The following DYSF variants were observed in gnomAD, a reference collection of about 807,000 sequenced individuals.
DYSF encodes the protein dystrophy-associated fer-1-like 1.
Under a neutral mutation model 274.9 loss-of-function variants are expected in DYSF, and 212 were observed. That is an observed-to-expected ratio of 0.77 (90% confidence interval 0.69 to 0.86). DYSF has a LOEUF of 0.86. DYSF is among the 40% of genes least tolerant of loss of function. The pLI is 0.00. For missense variants in DYSF, 2,666 were observed against 2,783.2 expected, an observed-to-expected ratio of 0.96 and a Z score of 0.95; for synonymous variants, 1,091 against 1,078.7, an observed-to-expected ratio of 1.01 and a Z score of -0.22.
chr2:71,546,056 A>G (rs748945412), intron 17 of DYSF, among the ~76,000 whole-genome samples: 16 of 152,226 alleles, frequency 1.1e-4, no homozygotes, highest in Non-Finnish European at 2.1e-4. Flanking sequence ...TGTGCATCCA[A>G]CTGGAGCTGT....
intron 22 of DYSF, among the ~76,000 whole-genome samples, chr2:71,556,392 T>G (rs1386303041): frequency 6.6e-6 from 1 of 151,330 alleles, no homozygotes; most frequent in African/African-American, 2.4e-5. Context: ...GGCTGGGGGG[T>G]GGGGTGACGG....
chr2:71,509,461 C>T (rs149843685), intron 4 of DYSF, among the ~76,000 whole-genome samples: 3 of 152,230 alleles, frequency 2.0e-5, no homozygotes, highest in African/African-American at 7.2e-5. Flanking sequence ...TGTACCTGGC[C>T]GTACCCAGGA....
At chr2:71,460,968 A>G (rs1558915280) in intron 1 of DYSF, among the ~76,000 whole-genome samples, 1 of 152,036 alleles carries the variant, frequency 6.6e-6, no homozygotes, top group East Asian at 1.9e-4. Flanking sequence ...AAAGAAAAAG[A>G]AAAAAAGCTT....
At chr2:71,470,689 AAAAAG>A (rs1462469553) in intron 1 of DYSF, among the ~76,000 whole-genome samples, 4 of 148,598 alleles carry the variant, frequency 2.7e-5, no homozygotes, top group African/African-American at 7.4e-5. Flanking sequence ...AAAAAAAAAA[AAAAAG>A]AAAAGAGCTT....
chr2:71,570,689 G>A lies in DYSF; in HGVS notation c.3176G>A (p.Arg1059His), dbSNP rs754763074. 27 of 1,613,912 alleles carry A rather than the reference G, an allele frequency of 1.7e-5. No homozygotes were observed. Among genetic ancestry groups the A allele is most frequent in the East Asian group, 4.5e-5 (2 of 44,896 alleles). The stretch of plus-strand genomic sequence containing the variant: ...ATGTACTACACACACCGACGGCGGC[G>A]CTGGGTGCGCCTGCGCAGGAGGGAT... ...EKMYYTHRRR[R>H]WVRLRRRDLS... The change falls in exon 29 of 56, where the codon CGC becomes CAC. Residue 1059 changes from arginine (R) to histidine (H), a missense_variant. This residue lies in a region of DYSF where 1,460 missense variants were observed against 1,502.1 expected (regional missense o/e 0.97). Transcript: ENST00000410020.
rs373486668 is a variant in DYSF, at chr2:71,498,033, A to G, written c.240-5181A>G. 7.0e-4 allele frequency among the ~76,000 whole-genome samples: 106 copies of G among 152,072 alleles called. 2 individuals are homozygous for G. The highest frequency in any genetic ancestry group is 2.5e-3 in the African/African-American group (104 of 41,490). On this transcript the variant is annotated intron_variant, in intron 3 of 55. Transcript: ENST00000410020. The stretch of plus-strand genomic sequence containing the variant: ...ATGGAGGTTTGGGGAGATCCTTTAG[A>G]CCCCCAATAAAACTTGATTGTTGAG...
chr2:71,599,122 G>A (rs2093480817), intron 33 of DYSF, among the ~76,000 whole-genome samples: 1 of 152,188 alleles, frequency 6.6e-6, no homozygotes, highest in Non-Finnish European at 1.5e-5. Context: ...CCCTTCACTT[G>A]GGGTTCCTTG....
At chr2:71,561,029 T>C (rs1194308783) in intron 22 of DYSF, among the ~76,000 whole-genome samples, 1 of 152,160 alleles carries the variant, frequency 6.6e-6, no homozygotes, top group Non-Finnish European at 1.5e-5. Flanking sequence ...TGAAGGACTT[T>C]CAGGGCGCCT....
At chr2:71,612,603 G>C (rs756503909) in intron 38 of DYSF, 38 bp from the exon 39 acceptor site, 1 of 1,609,854 alleles carries the variant, frequency 6.2e-7, no homozygotes, top group Non-Finnish European at 8.5e-7. Flanking sequence ...CTTCCCAGAG[G>C]GGGATTCAGG....
intron 12 of DYSF, among the ~76,000 whole-genome samples, chr2:71,525,122 A>G (rs2087713675): frequency 6.6e-6 from 1 of 152,134 alleles, no homozygotes; most frequent in Non-Finnish European, 1.5e-5. Flanking sequence ...GGGAAGCTTT[A>G]CAAGCCACTG....
intron 33 of DYSF, 21 bp from the exon 34 acceptor site, chr2:71,600,681 G>A: frequency 6.2e-7 from 1 of 1,614,000 alleles, no homozygotes; most frequent in Non-Finnish European, 8.5e-7. Flanking sequence ...GCTGATTCTT[G>A]TCTCTCTACG....
At chr2:71,487,796 A>G (rs149469632) in intron 3 of DYSF, among the ~76,000 whole-genome samples, 1,651 of 152,298 alleles carry the variant, frequency 0.011, 37 homozygotes, top group African/African-American at 0.038. Flanking sequence ...GGTGTGAGCC[A>G]CTGTGCCTGG....
chr2:71,542,874 A>G (rs539892352), intron 17 of DYSF, among the ~76,000 whole-genome samples: 10 of 152,320 alleles, frequency 6.6e-5, no homozygotes, highest in East Asian at 5.8e-4. Flanking sequence ...CCCGTTCCCA[A>G]TGAGCTGCTG....
At position 71,644,522 on chromosome 2, in the gene DYSF, G is replaced by A. The variant is rs142901225; in HGVS notation, c.4626+459G>A. On this transcript the variant is annotated intron_variant, in intron 42 of 55. Coordinates refer to ENST00000410020, the MANE Select transcript of DYSF (RefSeq NM_001130987.2). ...AACTTTTCTATAGTAGAAAATTTGT[G>A]TTAAAATAAAAAGAGAGTCGGTTTG... Among the ~76,000 whole-genome samples, 957 of 152,234 alleles carry A rather than the reference G, an allele frequency of 6.3e-3. 9 individuals are homozygous for A. Among genetic ancestry groups the A allele is most frequent in the African/African-American group, 0.022 (928 of 41,546 alleles).
rs145907318 is a variant in DYSF, at chr2:71,567,873, C to T, written c.2566-78C>T. 3.3e-3 allele frequency: 5,190 copies of T among 1,580,938 alleles called. 12 individuals carry two copies. The highest frequency in any genetic ancestry group is 4.1e-3 in the Non-Finnish European group (4,787 of 1,159,342). On this transcript the variant is annotated intron_variant, in intron 24 of 55. Transcript: ENST00000410020. ...GCCTGCTCTACCCAGGCTTGGAGGA[C>T]TCCTCCTCCCCAGCCTCTCACTGGG... is the stretch of plus-strand genomic sequence containing the variant.
intron 41 of DYSF, among the ~76,000 whole-genome samples, chr2:71,636,231 G>A (rs2094400209): frequency 2.0e-5 from 3 of 152,164 alleles, no homozygotes; most frequent in Non-Finnish European, 2.9e-5. Context: ...AATCACTGGA[G>A]GGATTTGCAC....
chr2:71,526,405 T>TGGGGCTGGGGGGGG, intron 13 of DYSF, 59 bp downstream of exon 13: 2 of 370,358 alleles, frequency 5.4e-6, no homozygotes, highest in South Asian at 3.3e-5. Context: ...GCAGGGCTGG[T>TGGGGCTGGGGGGGG]GGGGGTGGGC....
At chr2:71,543,875 TGGGGAGAGGGAGAGGGAGAGGGAG>T (rs2090214084) in intron 17 of DYSF, among the ~76,000 whole-genome samples, 2 of 96,374 alleles carry the variant, frequency 2.1e-5, no homozygotes, top group Admixed American at 1.2e-4. Flanking sequence ...AGGGAGACCG[TGGGGAGAGGGAGAGGGAGAGGGAG>T]ACCGTGGGGA....
At chr2:71,680,948 G>A in intron 53 of DYSF, 53 bp from the exon 54 acceptor site, 1 of 1,524,080 alleles carries the variant, frequency 6.6e-7, no homozygotes, top group Non-Finnish European at 9.1e-7. Context: ...TTACTCTCCA[G>A]GCCACTGAGC....
Sources: gnomAD v4.1 joint callset for allele counts (sites outside exome capture counted in the v4.1 genomes callset) on GRCh38, gnomAD v4.1.1 for gene constraint, gnomAD v4.1.1 regional missense constraint, MANE v1.5 for transcripts, NCBI Gene and HGNC (gene_info 2026-07-23, HGNC 2026-07-21) for gene names.